GAS2: variants seen among roughly 807,000 people sequenced by gnomAD.
GAS2 encodes the protein growth arrest-specific protein 2.
A neutral mutation model predicts 37.5 loss-of-function variants in GAS2; 20 were observed. The observed-to-expected ratio is 0.53, with a 90% CI of 0.37 to 0.77. GAS2 has a LOEUF of 0.77. GAS2 is among the 30% of genes least tolerant of loss of function. GAS2 has a pLI of 0.00. For synonymous variants in GAS2, 144 were observed against 132.2 expected, an observed-to-expected ratio of 1.09 and a Z score of -0.61; for missense variants, 336 against 373.4, an observed-to-expected ratio of 0.90 and a Z score of 0.82.
At chr11:22,654,685 C>A (rs929857944) in intron 1 of GAS2, among the ~76,000 whole-genome samples, 1 of 152,152 alleles carries the variant, frequency 6.6e-6, no homozygotes, top group Non-Finnish European at 1.5e-5. Context: ...TGTAAGCCAT[C>A]ATGCTTGAAC....
chr11:22,627,283 A>T (rs1426443357), intron 1 of GAS2, among the ~76,000 whole-genome samples: 1 of 152,216 alleles, frequency 6.6e-6, no homozygotes, highest in Non-Finnish European at 1.5e-5. Flanking sequence ...TATATTTAAC[A>T]CCTATTATGA....
chr11:22,681,439 C>T (rs1458450667), intron 2 of GAS2, among the ~76,000 whole-genome samples: 5 of 152,124 alleles, frequency 3.3e-5, no homozygotes, highest in African/African-American at 1.2e-4. Flanking sequence ...GATCAAATAT[C>T]GCAATTATAA....
intron 3 of GAS2, among the ~76,000 whole-genome samples, chr11:22,697,016 C>A (rs1174628727): frequency 6.6e-5 from 10 of 151,220 alleles, no homozygotes; most frequent in Non-Finnish European, 1.2e-4. Context: ...GAAGTCCTTG[C>A]CCATGCCTAT....
intron 7 of GAS2, among the ~76,000 whole-genome samples, chr11:22,768,289 T>C (rs1036031476): frequency 2.6e-5 from 4 of 152,156 alleles, no homozygotes; most frequent in Non-Finnish European, 5.9e-5. Flanking sequence ...CAAAGCAAAA[T>C]GACAACAAAA....
chr11:22,710,340 C>T (rs922994695), intron 3 of GAS2, among the ~76,000 whole-genome samples: 3 of 151,794 alleles, frequency 2.0e-5, no homozygotes, highest in African/African-American at 4.8e-5. Flanking sequence ...AGATGAGTAC[C>T]CCAAAATAGT....
intron 3 of GAS2, among the ~76,000 whole-genome samples, chr11:22,690,079 A>G (rs369438127): frequency 1.2e-4 from 18 of 152,294 alleles, no homozygotes; most frequent in African/African-American, 3.9e-4. Flanking sequence ...TCATTTTCAT[A>G]GCAATATTTT....
intron 7 of GAS2, among the ~76,000 whole-genome samples, chr11:22,792,036 T>G (rs1856190582): frequency 6.6e-6 from 1 of 152,198 alleles, no homozygotes; most frequent in Admixed American, 6.5e-5. Context: ...GCAGGTAAGA[T>G]TCTGAAATAC....
intron 3 of GAS2, among the ~76,000 whole-genome samples, chr11:22,711,731 C>G (rs1447677528): frequency 6.6e-6 from 1 of 152,162 alleles, no homozygotes; most frequent in East Asian, 1.9e-4. Flanking sequence ...TCACTGCCAG[C>G]TTTCCCCCAC....
chr11:22,700,930 A>T (rs938057673), intron 3 of GAS2, among the ~76,000 whole-genome samples: 3 of 152,180 alleles, frequency 2.0e-5, no homozygotes, highest in Non-Finnish European at 4.4e-5. Flanking sequence ...TAAAGATGAA[A>T]TCATTTTTTT....
At chr11:22,783,006 C>T (rs1855638766) in intron 7 of GAS2, among the ~76,000 whole-genome samples, 1 of 152,050 alleles carries the variant, frequency 6.6e-6, no homozygotes, top group African/African-American at 2.4e-5. Flanking sequence ...ATTCTTAGTT[C>T]ATTGAGAAAT....
Position 22,685,769 on chromosome 11 carries a change from G to C in GAS2, c.247G>C (p.Asp83His). 1 of 1,613,376 alleles carries C rather than the reference G, an allele frequency of 6.2e-7. No homozygotes were observed. The highest frequency in any genetic ancestry group is 8.5e-7 in the Non-Finnish European group (1 of 1,179,702). Residue 83 changes from aspartate to histidine, a missense_variant, in exon 3 of 8, where the codon GAT becomes CAT. Asp to His is a moderately conservative substitution (Grantham distance 81, BLOSUM62 -1). Transcript: ENST00000454584. ...TMQEKFKESM[D>H]ANKPTKNLPL... Reference sequence around the variant, plus strand: ...GCAGGAGAAATTCAAGGAGAGCATGGATGCTAACAAGCCCACAAAGGTAAA... The same window carrying C: ...GCAGGAGAAATTCAAGGAGAGCATGCATGCTAACAAGCCCACAAAGGTAAA...
intron 1 of GAS2, among the ~76,000 whole-genome samples, chr11:22,653,438 G>C (rs1339477534): frequency 1.3e-5 from 2 of 152,132 alleles, no homozygotes; most frequent in Non-Finnish European, 2.9e-5. Context: ...ACATTAGCAA[G>C]TATCAAAATA....
intron 3 of GAS2, among the ~76,000 whole-genome samples, chr11:22,700,418 A>T (rs776856749): frequency 5.9e-5 from 9 of 152,182 alleles, no homozygotes; most frequent in Non-Finnish European, 1.0e-4. Flanking sequence ...ACAAAGCATG[A>T]GGAGCAAATC....
At chr11:22,780,071 A>G (rs1855475676) in intron 7 of GAS2, among the ~76,000 whole-genome samples, 1 of 152,242 alleles carries the variant, frequency 6.6e-6, no homozygotes, top group Admixed American at 6.5e-5. Context: ...TGCGTAGTAT[A>G]TACGAGTTGC....
At position 22,734,829 on chromosome 11, in the gene GAS2, G is replaced by A. The variant is rs1016002573; in HGVS notation, c.410-2876G>A. On this transcript the variant is annotated intron_variant, in intron 4 of 7. Transcript: ENST00000454584. ...CCCAGATCTTTGTGGCTTGAATTAC[G>A]CAACCATTATACTCTTTTCATCTAT... 5.9e-5 allele frequency among the ~76,000 whole-genome samples: 9 copies of A among 151,580 alleles called. No homozygotes were observed. The South Asian group carries it at 1.0e-3, about 17-fold the overall frequency.
intron 1 of GAS2, among the ~76,000 whole-genome samples, chr11:22,643,511 A>C (rs543183137): frequency 6.6e-6 from 1 of 152,044 alleles, no homozygotes; most frequent in East Asian, 1.9e-4. Context: ...TCATATTAAC[A>C]GAAATTATTT....
intron 3 of GAS2, among the ~76,000 whole-genome samples, chr11:22,713,076 AAAAAG>A (rs1459445275): frequency 1.3e-5 from 2 of 151,060 alleles, no homozygotes; most frequent in African/African-American, 4.8e-5. Context: ...AAAAAAAAAA[AAAAAG>A]AAAAGAAAAG....
chr11:22,659,069 G>A (rs1453225314), intron 1 of GAS2, among the ~76,000 whole-genome samples: 2 of 152,282 alleles, frequency 1.3e-5, no homozygotes, highest in East Asian at 3.9e-4. Context: ...GAGTAGATGT[G>A]TGAACTTAGT....
At chr11:22,772,434 T>G (rs143468157) in intron 7 of GAS2, among the ~76,000 whole-genome samples, 210 of 152,308 alleles carry the variant, frequency 1.4e-3, no homozygotes, top group African/African-American at 4.7e-3. Flanking sequence ...TTGGTTTTTG[T>G]TTTTTGTTTT....
Sources: allele counts gnomAD v4.1 joint callset (sites outside exome capture counted in the v4.1 genomes callset), GRCh38; gene constraint gnomAD v4.1.1; transcripts MANE v1.5; gene names NCBI Gene and HGNC (gene_info 2026-07-23, HGNC 2026-07-21).